Variants in PLCB4 observed in about 807,000 individuals in gnomAD.
PLCB4 encodes the protein 1-phosphatidylinositol 4,5-bisphosphate phosphodiesterase beta-4.
PLCB4 carries 77 observed loss-of-function variants against 178.8 expected under a neutral mutation model. That is an observed-to-expected ratio of 0.43 (90% CI 0.36 to 0.52). The LOEUF is 0.52. PLCB4 is among the 20% of genes least tolerant of loss of function. The pLI is 0.00. For synonymous variants in PLCB4, 496 were observed against 490.8 expected (o/e 1.01, Z -0.14); for missense variants, 1,024 against 1,453.4 (o/e 0.70, Z 4.80).
chr20:9,393,786 T>C, intron 18 of PLCB4, 108 bp downstream of exon 18: 2 of 673,196 alleles, frequency 3.0e-6, no homozygotes, highest in Admixed American at 2.5e-5. Context: ...GGGGGAAGGG[T>C]GTAGGGGTGA....
At chr20:9,102,762 C>G (rs1306766179) in intron 2 of PLCB4, among the ~76,000 whole-genome samples, 1 of 151,928 alleles carries the variant, frequency 6.6e-6, no homozygotes, top group African/African-American at 2.4e-5. Context: ...ATAGCTTGAA[C>G]AAAAATAAGA....
chr20:9,166,563 C>G (rs1458139156), intron 2 of PLCB4: 1 of 152,154 alleles, frequency 6.6e-6, no homozygotes, highest in African/African-American at 2.4e-5. Context: ...GGCTCCTGCC[C>G]CTTCCCATTC....
chr20:9,409,055 A>T lies in PLCB4; in HGVS notation c.1875-2A>T. ...TTTTCTGTTTTCCTTAATAAGTTAC[A>T]GTTATAACAAACGGCAAATGAGTCG... On this transcript the variant is annotated splice_acceptor_variant, in intron 23 of 39. Coordinates refer to ENST00000378473, the MANE Select transcript of PLCB4 (RefSeq NM_001377142.1). LOFTEE classifies it high-confidence loss of function. 6.2e-7 allele frequency: 1 copy of T among 1,609,086 alleles called. No individual in the cohort carries two copies. The highest frequency in any genetic ancestry group is 8.5e-7 in the Non-Finnish European group (1 of 1,178,838).
chr20:9,313,726 C>A (rs577006234), intron 4 of PLCB4, among the ~76,000 whole-genome samples: 8 of 152,342 alleles, frequency 5.3e-5, no homozygotes, highest in Non-Finnish European at 8.8e-5. Context: ...TTATGCACTG[C>A]AGTAAGTACT....
At chr20:9,220,025 C>T (rs1365395716) in intron 3 of PLCB4, among the ~76,000 whole-genome samples, 2 of 151,038 alleles carry the variant, frequency 1.3e-5, no homozygotes, top group African/African-American at 2.4e-5. Context: ...TTTTTTTAAA[C>T]AAAACAAAAC....
At chr20:9,395,133 A>G (rs1192588304) in intron 18 of PLCB4, among the ~76,000 whole-genome samples, 2 of 152,146 alleles carry the variant, frequency 1.3e-5, no homozygotes, top group African/African-American at 4.8e-5. Context: ...CAACCTGCCT[A>G]TTTTCTATCA....
rs76007046 is a variant in PLCB4 at position 9,432,121 on chromosome 20, C to T, written c.2525-3439C>T. Among the ~76,000 whole-genome samples, 117 of 151,978 alleles carry T rather than the reference C, an allele frequency of 7.7e-4. 1 individual carries two copies. In the South Asian group the frequency reaches 0.02, roughly 25 times the overall value. On this transcript the variant is annotated intron_variant, in intron 28 of 39. Coordinates refer to ENST00000378473, the MANE Select transcript of PLCB4 (RefSeq NM_001377142.1). ...CTAAAAATAATTTTCAGAACTATGCCGATATAATATATGCATCAATGAAAA... is the reference window on the plus strand; with the variant it reads ...CTAAAAATAATTTTCAGAACTATGCTGATATAATATATGCATCAATGAAAA...
intron 3 of PLCB4, among the ~76,000 whole-genome samples, chr20:9,266,416 A>G (rs1383909987): frequency 6.6e-6 from 1 of 152,238 alleles, no homozygotes; most frequent in African/African-American, 2.4e-5. Context: ...ATGTGTACCT[A>G]TCAGTAAACA....
intron 15 of PLCB4, 123 bp downstream of exon 15, chr20:9,387,679 T>C: frequency 1.9e-6 from 1 of 515,284 alleles, no homozygotes; most frequent in Non-Finnish European, 3.4e-6. Context: ...ATTCCCTTCT[T>C]CCAGTCTTGA....
At position 9,077,825 on chromosome 20, in the gene PLCB4, A is replaced by G. The variant is rs73600218; in HGVS notation, c.-135+8619A>G. Among the ~76,000 whole-genome samples the G allele has an allele frequency of 1.4e-3, 206 of 152,282 alleles. 5 individuals carry two copies. In the East Asian group the frequency reaches 0.033, roughly 24 times the overall value. ...ATTAATTTCATTGCTGAAAAATCCT[A>G]TCCAGGTGTGTTTGTAGCTTTAGGT... On this transcript the variant is annotated intron_variant, in intron 1 of 39. Transcript: ENST00000378473.
chr20:9,176,723 C>T (rs1448908421), intron 2 of PLCB4, among the ~76,000 whole-genome samples: 2 of 152,158 alleles, frequency 1.3e-5, no homozygotes, highest in Non-Finnish European at 2.9e-5. Context: ...CCTTAAACTA[C>T]ATATAAGTAA....
At position 9,437,159 on chromosome 20, in the gene PLCB4, G is replaced by T; in HGVS notation, c.2764+7G>T. ...GGTGTGGAAGCCAAGAAAGGTGAGAGAGAGCCGTTGGGTTCCTTATCTTCT... is the reference window on the plus strand; with the variant it reads ...GGTGTGGAAGCCAAGAAAGGTGAGATAGAGCCGTTGGGTTCCTTATCTTCT... On this transcript the variant is annotated splice_region_variant and intron_variant, in intron 30 of 39. Coordinates refer to ENST00000378473, the MANE Select transcript of PLCB4 (RefSeq NM_001377142.1). 1.2e-6 allele frequency: 2 copies of T among 1,612,878 alleles called. No homozygotes were observed. Among genetic ancestry groups the T allele is most frequent in the Non-Finnish European group, 1.7e-6 (2 of 1,179,230 alleles).
At chr20:9,274,116 G>GA (rs1008153672) in intron 3 of PLCB4, among the ~76,000 whole-genome samples, 20 of 151,076 alleles carry the variant, frequency 1.3e-4, no homozygotes, top group South Asian at 2.1e-4. Flanking sequence ...GTATTTCAAA[G>GA]AAAAAAAAAT....
At chr20:9,341,670 T>C (rs2033212447) in intron 7 of PLCB4, among the ~76,000 whole-genome samples, 1 of 148,160 alleles carries the variant, frequency 6.7e-6, no homozygotes, top group African/African-American at 2.5e-5. Context: ...TAACTTTTAC[T>C]GAAAAAAAAT....
At chr20:9,368,769 C>T (rs541585171) in intron 9 of PLCB4, among the ~76,000 whole-genome samples, 2 of 152,200 alleles carry the variant, frequency 1.3e-5, no homozygotes, top group East Asian at 3.9e-4. Flanking sequence ...CTGTTTTAGC[C>T]ACTTGCGAAG....
At chr20:9,088,117 T>A (rs555003668) in intron 1 of PLCB4, among the ~76,000 whole-genome samples, 1 of 152,164 alleles carries the variant, frequency 6.6e-6, no homozygotes, top group East Asian at 1.9e-4. Flanking sequence ...AGGCAGGGAA[T>A]AGAATATCAG....
intron 25 of PLCB4, among the ~76,000 whole-genome samples, chr20:9,415,312 CA>C (rs1328512256): frequency 6.6e-6 from 1 of 151,778 alleles, no homozygotes; most frequent in African/African-American, 2.4e-5. Flanking sequence ...CAGAGTTGAC[CA>C]GGGGTAGCTG....
intron 2 of PLCB4, among the ~76,000 whole-genome samples, chr20:9,204,359 A>AT (rs1035911074): frequency 9.2e-5 from 14 of 151,426 alleles, no homozygotes; most frequent in African/African-American, 2.7e-4. Context: ...AAGCTCTAAG[A>AT]TTTTTTTTGC....
chr20:9,131,423 G>T (rs950606595), intron 2 of PLCB4, among the ~76,000 whole-genome samples: 8 of 152,084 alleles, frequency 5.3e-5, no homozygotes, highest in African/African-American at 1.7e-4. Context: ...GATATTATTG[G>T]ATCTCTGTGA....
Sources: allele counts gnomAD v4.1 joint callset (sites outside exome capture counted in the v4.1 genomes callset), GRCh38; gene constraint gnomAD v4.1.1; transcripts MANE v1.5; gene names NCBI Gene and HGNC (gene_info 2026-07-23, HGNC 2026-07-21).